Variants in PCDHGB1 observed in about 807,000 individuals in gnomAD.
PCDHGB1 encodes the protein protocadherin gamma subfamily B, 1, also known as protocadherin gamma-B1.
In PCDHGB1, 34 loss-of-function variants were observed where a neutral mutation model predicts 56.6. The observed-to-expected ratio is 0.60, with a 90% CI of 0.46 to 0.80. The LOEUF (loss-of-function observed/expected upper bound fraction) is 0.80. Among genes scored for constraint, PCDHGB1 ranks in the 30% least tolerant of loss-of-function variants. PCDHGB1 has a pLI of 0.00. For synonymous variants in PCDHGB1, 561 were observed against 505.9 expected (o/e 1.11, Z -1.46); for missense variants, 1,278 against 1,204.6 (o/e 1.06, Z -0.90).
At chr5:141,453,331 C>G (rs1224258701) in intron 1 of PCDHGB1, among the ~76,000 whole-genome samples, 1 of 151,962 alleles carries the variant, frequency 6.6e-6, no homozygotes, top group East Asian at 1.9e-4. Flanking sequence ...TGGGGTCTCA[C>G]TATGTTTCCC....
At chr5:141,383,914 G>C (rs1167823249) in intron 1 of PCDHGB1, 9 of 1,613,960 alleles carry the variant, frequency 5.6e-6, no homozygotes, top group Non-Finnish European at 6.8e-6. Flanking sequence ...CACAGTTTTA[G>C]ATGTAAATGA....
chr5:141,409,149 C>T (rs1248646625), intron 1 of PCDHGB1: 1 of 1,613,948 alleles, frequency 6.2e-7, no homozygotes, highest in Non-Finnish European at 8.5e-7. Context: ...GAAAGGTACA[C>T]CATGGAAGTG....
At chr5:141,425,745 G>A (rs776065455) in intron 1 of PCDHGB1, among the ~76,000 whole-genome samples, 26 of 152,100 alleles carry the variant, frequency 1.7e-4, no homozygotes, top group Non-Finnish European at 2.9e-4. Flanking sequence ...TTCCCACAAG[G>A]TTTTTGTTCT....
intron 2 of PCDHGB1, 164 bp downstream of exon 2, chr5:141,495,029 G>A: frequency 2.1e-6 from 2 of 968,864 alleles, no homozygotes; most frequent in Non-Finnish European, 2.5e-6. Flanking sequence ...ACAGACCCCG[G>A]AAGGAAGAGG....
intron 1 of PCDHGB1, chr5:141,388,456 A>G: frequency 5.0e-6 from 8 of 1,613,810 alleles, no homozygotes; most frequent in Non-Finnish European, 5.9e-6. Flanking sequence ...GGCAGTAAAT[A>G]CCCTGAGATG....
intron 1 of PCDHGB1, chr5:141,427,894 C>T (rs974220302): frequency 1.3e-6 from 2 of 1,568,222 alleles, no homozygotes; most frequent in East Asian, 2.2e-5. Flanking sequence ...GACCAGGGCT[C>T]GCCCGCGCTC....
intron 1 of PCDHGB1, chr5:141,360,212 C>T: frequency 1.2e-6 from 2 of 1,612,898 alleles, no homozygotes; most frequent in Non-Finnish European, 1.7e-6. Context: ...TCTTTGTTCC[C>T]CGGGGCTCTC....
intron 1 of PCDHGB1, chr5:141,365,449 T>A: frequency 1.2e-6 from 2 of 1,614,052 alleles, no homozygotes; most frequent in Non-Finnish European, 1.7e-6. Context: ...GCGTACATGA[T>A]GGTGATTCTG....
intron 1 of PCDHGB1, chr5:141,365,690 C>T: frequency 1.2e-6 from 2 of 1,613,562 alleles, no homozygotes; most frequent in South Asian, 2.2e-5. Flanking sequence ...CAATTTCCCT[C>T]AAGCCTCCTA....
intron 1 of PCDHGB1, among the ~76,000 whole-genome samples, chr5:141,456,862 C>T (rs1385304686): frequency 6.6e-6 from 1 of 152,086 alleles, no homozygotes; most frequent in Non-Finnish European, 1.5e-5. Context: ...AATTGGGAGG[C>T]TGAGGCAGGA....
intron 3 of PCDHGB1, chr5:141,507,335 T>A (rs1228652205): frequency 6.6e-6 from 1 of 151,804 alleles, no homozygotes; most frequent in Non-Finnish European, 1.5e-5. Context: ...TGCTCATTGT[T>A]TACCTGAAAT....
chr5:141,432,992 G>A lies in PCDHGB1; in HGVS notation c.2410-61815G>A, dbSNP rs777975384. On this transcript the variant is annotated intron_variant, in intron 1 of 3. Coordinates refer to ENST00000523390, the MANE Select transcript of PCDHGB1 (RefSeq NM_018922.3). The surrounding 1 kb of genome is among the most constrained non-coding windows in gnomAD (Gnocchi z 6.0). The stretch of plus-strand genomic sequence containing the variant: ...GGCGTCGCACTTTGTGGGCGTGGAC[G>A]GGGTGCAGGCTTTCCTGCAGACCTA... 1.9e-6 allele frequency: 3 copies of A among 1,614,174 alleles called. No homozygotes were observed. In the Admixed American group the frequency reaches 5.0e-5, roughly 27 times the overall value.
In PCDHGB1 at chr5:141,476,445, T is replaced by G. The variant is rs2099391853; in HGVS notation, c.2410-18362T>G. 1 of 1,613,956 alleles carries G rather than the reference T, an allele frequency of 6.2e-7. No individual in the cohort carries two copies. The highest frequency in any genetic ancestry group is 1.7e-5 in the Admixed American group (1 of 60,008). The stretch of plus-strand genomic sequence containing the variant: ...CCCTCTTGCACTGTAACTCTGGAGT[T>G]GGTAGTGGAGAACCCGCTGGAGCTG... On this transcript the variant is annotated intron_variant, in intron 1 of 3. Coordinates refer to ENST00000523390, the MANE Select transcript of PCDHGB1 (RefSeq NM_018922.3). This position sits in a 1 kb window ranked among gnomAD's most constrained non-coding sequence, Gnocchi z 7.6.
At position 141,476,851 on chromosome 5, in the gene PCDHGB1, C is replaced by T; in HGVS notation, c.2410-17956C>T. ...CGAATGACAATGCGCCTGTCTTCAA[C>T]CAGTCCTTGTACCGGGCGCGCGTCC... On this transcript the variant is annotated intron_variant, in intron 1 of 3. Transcript: ENST00000523390. This position sits in a 1 kb window ranked among gnomAD's most constrained non-coding sequence, Gnocchi z 7.6. The T allele has an allele frequency of 6.2e-7, 1 of 1,613,836 alleles. No individual in the cohort carries two copies. Among genetic ancestry groups the T allele is most frequent in the Non-Finnish European group, 8.5e-7 (1 of 1,180,046 alleles).
intron 1 of PCDHGB1, chr5:141,365,377 C>T (rs1259011654): frequency 3.1e-6 from 5 of 1,613,982 alleles, no homozygotes; most frequent in Non-Finnish European, 4.2e-6. Context: ...AAGTGATCCT[C>T]ACCTCTCTGA....
At chr5:141,415,739 GGTTTTTTTT>G in intron 1 of PCDHGB1, 5 of 434,942 alleles carry the variant, frequency 1.1e-5, no homozygotes, top group African/African-American at 9.8e-5. Context: ...TGTTTATTAA[GGTTTTTTTT>G]TTTTTTTTTT....
At chr5:141,428,882 T>C in intron 1 of PCDHGB1, 1 of 151,216 alleles carries the variant, frequency 6.6e-6, no homozygotes, top group African/African-American at 2.4e-5. Context: ...TTGGACGGAG[T>C]CTCGCTCTGT....
intron 1 of PCDHGB1, among the ~76,000 whole-genome samples, chr5:141,460,934 G>GTA (rs2099001529): frequency 2.7e-5 from 4 of 149,622 alleles, no homozygotes; most frequent in African/African-American, 9.9e-5. Context: ...ATGTGTGTGT[G>GTA]TATATATATG....
intron 1 of PCDHGB1, chr5:141,395,540 GTT>G (rs1195680754): frequency 2.1e-5 from 4 of 186,176 alleles, no homozygotes; most frequent in South Asian, 7.0e-5. Flanking sequence ...TTTTGCTATT[GTT>G]TGTGTGTGTG....
Sources: allele counts gnomAD v4.1 joint callset (sites outside exome capture counted in the v4.1 genomes callset), GRCh38; gene constraint gnomAD v4.1.1; non-coding constraint Gnocchi (gnomAD v3.1); transcripts MANE v1.5; gene names NCBI Gene and HGNC (gene_info 2026-07-23, HGNC 2026-07-21).